SH3GL3: variants seen among roughly 807,000 people sequenced by gnomAD.
SH3GL3 encodes the protein endophilin-A3.
SH3GL3 carries 33 observed loss-of-function variants against 47.7 expected under a neutral mutation model. The ratio of observed to expected loss-of-function variants is 0.69; its 90% CI spans 0.52 to 0.92. The LOEUF (loss-of-function observed/expected upper bound fraction) is 0.92, where lower values mean the gene tolerates loss of function less well. Ranked by LOEUF, SH3GL3 falls within the 40% of genes least tolerant of loss-of-function variation. The probability of loss-of-function intolerance (pLI) is 0.00; values close to 1 mark genes in which losing one functional copy is unlikely to be tolerated. For missense variants in SH3GL3, 363 were observed against 417.8 expected, an observed-to-expected ratio of 0.87 and a Z score of 1.14; for synonymous variants, 155 against 148.8, an observed-to-expected ratio of 1.04 and a Z score of -0.30.
chr15:83,619,345 C>T (rs1431398838), downstream of SH3GL3, among the ~76,000 whole-genome samples: 1 of 152,126 alleles, frequency 6.6e-6, no homozygotes, highest in African/African-American at 2.4e-5. Context: ...CTGGGGGTTT[C>T]CCAGTGTATA....
chr15:83,547,844 T>C (rs1202193236), intron 1 of SH3GL3, among the ~76,000 whole-genome samples: 1 of 151,876 alleles, frequency 6.6e-6, no homozygotes, highest in African/African-American at 2.4e-5. Context: ...TCCATTTTCA[T>C]TTAATGTAAT....
chr15:83,588,695 A>C lies in SH3GL3; in HGVS notation c.762A>C (p.Glu254Asp), dbSNP rs114613246. 3.8e-4 allele frequency: 617 copies of C among 1,612,376 alleles called. 4 individuals are homozygous for C. In the African/African-American group the frequency reaches 7.2e-3, roughly 19 times the overall value. ...ISAASSVPRR[E>D]YKPRPVKRSS... ...CTGCATCCAGTGTCCCCAGACGAGA[A>C]TACAAGCCAAGGCCTGTGAAAAGGA... The change falls in exon 8 of 9, where the codon GAA becomes GAC. Residue 254 changes from glutamate (E) to aspartate (D), a missense_variant. Transcript: ENST00000427482.
rs542693530 is a variant in SH3GL3, at chr15:83,601,131, A to T, written c.838+12360A>T. 3.3e-5 allele frequency among the ~76,000 whole-genome samples: 5 copies of T among 152,292 alleles called. No homozygotes were observed. In the South Asian group the frequency reaches 1.0e-3, roughly 32 times the overall value. ...TAGGGTTTTCTAGGTATACAATTAT[A>T]TCATCAGCAAACAGTGACAGTTTGA... is the stretch of plus-strand genomic sequence containing the variant. On this transcript the variant is annotated intron_variant, in intron 8 of 8. Coordinates refer to ENST00000427482, the MANE Select transcript of SH3GL3 (RefSeq NM_003027.5).
downstream of SH3GL3, among the ~76,000 whole-genome samples, chr15:83,623,579 C>G (rs368639279): frequency 6.6e-6 from 1 of 152,196 alleles, no homozygotes; most frequent in Non-Finnish European, 1.5e-5. Flanking sequence ...TCACAGGCTG[C>G]GCCTGCTACC....
chr15:83,626,635 G>A, the SH3GL3 span, among the ~76,000 whole-genome samples: 1 of 152,168 alleles, frequency 6.6e-6, no homozygotes, highest in African/African-American at 2.4e-5. Context: ...AAATGTTAAC[G>A]ACTGGCATGT....
Position 83,595,639 on chromosome 15 carries a change from A to G in SH3GL3, c.838+6868A>G, listed in dbSNP as rs563687910. 3.4e-5 allele frequency among the ~76,000 whole-genome samples: 5 copies of G among 145,562 alleles called. No homozygotes were observed. The East Asian group carries it at 6.0e-4, about 17-fold the overall frequency. ...CCTTGTTTTTTTTTTTTTTTCCTGC[A>G]TGAAGGCTTTAAGCTATAAATTCAA... On this transcript the variant is annotated intron_variant, in intron 8 of 8. Coordinates refer to ENST00000427482, the MANE Select transcript of SH3GL3 (RefSeq NM_003027.5).
At chr15:83,504,524 G>A (rs190094081) in intron 1 of SH3GL3, among the ~76,000 whole-genome samples, 8 of 152,344 alleles carry the variant, frequency 5.3e-5, no homozygotes, top group Admixed American at 5.2e-4. Flanking sequence ...TCTCATGGAT[G>A]AATCACTCTG....
the SH3GL3 span, among the ~76,000 whole-genome samples, chr15:83,626,908 T>C: frequency 2.6e-5 from 4 of 152,178 alleles, no homozygotes; most frequent in Non-Finnish European, 4.4e-5. Context: ...ACAATTAGGG[T>C]ATTTTTCTCC....
At chr15:83,577,639 G>A (rs560000651) in intron 6 of SH3GL3, among the ~76,000 whole-genome samples, 2 of 152,100 alleles carry the variant, frequency 1.3e-5, no homozygotes, top group South Asian at 2.1e-4. Flanking sequence ...CCACCTACCC[G>A]ACTCAGCCTC....
At chr15:83,528,071 T>C (rs1372765991) in intron 1 of SH3GL3, among the ~76,000 whole-genome samples, 1 of 152,176 alleles carries the variant, frequency 6.6e-6, no homozygotes, top group Admixed American at 6.5e-5. Flanking sequence ...AGGTATAGTA[T>C]TTTTGGCTGT....
rs180727898 is a variant in SH3GL3, at chr15:83,547,504, C to G, written c.46-11749C>G. ...ATCATTCCTATCCTCTTCAGTGCCT[C>G]TTTCTTGGATACAGAGTTAAAATCA... On this transcript the variant is annotated intron_variant, in intron 1 of 8. Coordinates refer to ENST00000427482, the MANE Select transcript of SH3GL3 (RefSeq NM_003027.5). Among the ~76,000 whole-genome samples the G allele has an allele frequency of 2.1e-3, 327 of 152,330 alleles. 7 individuals are homozygous for G. Among genetic ancestry groups the G allele is most frequent in the Admixed American group, 0.018 (273 of 15,298 alleles).
intron 2 of SH3GL3, 82 bp downstream of exon 2, chr15:83,559,403 C>A: frequency 2.5e-6 from 2 of 811,720 alleles, no homozygotes; most frequent in South Asian, 1.4e-5. Flanking sequence ...AAAGGATATT[C>A]GAGTGGAAAT....
At chr15:83,545,576 T>C (rs1457569881) in intron 1 of SH3GL3, among the ~76,000 whole-genome samples, 1 of 152,216 alleles carries the variant, frequency 6.6e-6, no homozygotes, top group Admixed American at 6.5e-5. Flanking sequence ...TTGATACTTG[T>C]GGATGTTCAT....
chr15:83,522,743 G>A (rs1567299668), intron 1 of SH3GL3, among the ~76,000 whole-genome samples: 1 of 152,204 alleles, frequency 6.6e-6, no homozygotes, highest in African/African-American at 2.4e-5. Context: ...TTTAAAACAT[G>A]CTCTGAGACC....
intron 1 of SH3GL3, among the ~76,000 whole-genome samples, chr15:83,514,844 G>C (rs1340274470): frequency 6.6e-6 from 1 of 152,118 alleles, no homozygotes; most frequent in Non-Finnish European, 1.5e-5. Context: ...GGCGTGTCAG[G>C]CTGGGAAATT....
chr15:83,535,928 G>A (rs2043880714), intron 1 of SH3GL3, among the ~76,000 whole-genome samples: 1 of 152,168 alleles, frequency 6.6e-6, no homozygotes, highest in Admixed American at 6.5e-5. Context: ...CATCAGTGCT[G>A]GAAACTAGAG....
intron 1 of SH3GL3, among the ~76,000 whole-genome samples, chr15:83,497,637 CT>C (rs2042134245): frequency 6.6e-6 from 1 of 152,190 alleles, no homozygotes; most frequent in Non-Finnish European, 1.5e-5. Flanking sequence ...TAGGCCTCCC[CT>C]GTCTCACTCT....
chr15:83,545,561 C>T (rs148977402), intron 1 of SH3GL3, among the ~76,000 whole-genome samples: 130 of 152,210 alleles, frequency 8.5e-4, no homozygotes, highest in Middle Eastern at 3.4e-3. Flanking sequence ...TTTTTCTGGA[C>T]GGTCTTGATA....
chr15:83,561,492 A>G (rs1033628485), intron 2 of SH3GL3, among the ~76,000 whole-genome samples: 1 of 152,204 alleles, frequency 6.6e-6, no homozygotes, highest in Admixed American at 6.5e-5. Context: ...TGAATAAATC[A>G]TGCAATCCAA....
Sources: gnomAD v4.1 joint callset for allele counts (sites outside exome capture counted in the v4.1 genomes callset) on GRCh38, gnomAD v4.1.1 for gene constraint, MANE v1.5 for transcripts, NCBI Gene and HGNC (gene_info 2026-07-23, HGNC 2026-07-21) for gene names.